Variants in RAMACL observed in about 807,000 individuals in gnomAD.
The protein encoded by RAMACL is RNA guanine-7 methyltransferase activating subunit like.
In RAMACL, 9 loss-of-function variants were observed where a neutral mutation model predicts 13.4. That is an observed-to-expected ratio of 0.67 (90% CI 0.41 to 1.17). The LOEUF (loss-of-function observed/expected upper bound fraction) is 1.17, where lower values mean the gene tolerates loss of function less well. Ranked by LOEUF, RAMACL falls within the 50% of genes most tolerant of loss-of-function variation. The probability of loss-of-function intolerance (pLI) is 0.01; values close to 1 mark genes in which losing one functional copy is unlikely to be tolerated. For missense variants in RAMACL, 124 were observed against 141.6 expected (o/e 0.88, Z 0.63); for synonymous variants, 39 against 49.3 (o/e 0.79, Z 0.88).
At chr6:166,586,216 C>T in exon 1 of RAMACL, 1 of 1,590,412 alleles carries the variant, frequency 6.3e-7, no homozygotes, top group Non-Finnish European at 8.5e-7. Flanking sequence ...TAGTTGTTAC[C>T]CCAGGATCGT....
rs557027258 is a variant in RAMACL, at chr6:166,586,190, T to C, written c.288A>G (p.Gln96=). 618 of 1,583,992 alleles carry C rather than the reference T, an allele frequency of 3.9e-4. 145 individuals carry two copies. The African/African-American group carries it at 0.011, about 27-fold the overall frequency. The change falls in exon 1 of 1, where the codon CAA becomes CAG. Residue 96 remains glutamine, a synonymous_variant. Coordinates refer to ENST00000444122, the Ensembl canonical transcript of RAMACL. ...CATATTGCTGGGGATAGTAAGGTTC[T>C]TGTCTGTGTTGCGGGTAGTTGTTAC...
At chr6:166,586,333 C>T in exon 1 of RAMACL, 2 of 1,599,458 alleles carry the variant, frequency 1.3e-6, no homozygotes, top group Non-Finnish European at 8.5e-7. Context: ...CTTTGGTTCC[C>T]ACCAGCTCTG....
exon 1 of RAMACL, chr6:166,586,501 G>A: frequency 6.3e-7 from 1 of 1,587,366 alleles, no homozygotes; most frequent in African/African-American, 1.7e-5. Context: ...AAGGTTTGAG[G>A]CAGCTGTATT....
exon 1 of RAMACL, chr6:166,586,157 A>G: frequency 6.4e-7 from 1 of 1,558,674 alleles, no homozygotes; most frequent in Non-Finnish European, 8.6e-7. Context: ...GGTTGTAACC[A>G]TAATGTCCAT....
downstream of RAMACL, among the ~76,000 whole-genome samples, chr6:166,585,484 G>T (rs144788829): frequency 1.3e-3 from 181 of 141,928 alleles, 8 homozygotes; most frequent in African/African-American, 4.4e-3. Context: ...TCTCAAACAT[G>T]ACATCAAACA....
chr6:166,585,290 G>T (rs1434839211), downstream of RAMACL, among the ~76,000 whole-genome samples: 1 of 152,160 alleles, frequency 6.6e-6, no homozygotes, highest in African/African-American at 2.4e-5. Flanking sequence ...AGCAACTTTA[G>T]CTTCTTCATT....
exon 1 of RAMACL, among the ~76,000 whole-genome samples, chr6:166,585,769 G>A (rs889081932): frequency 1.5e-5 from 1 of 68,468 alleles, no homozygotes; most frequent in Non-Finnish European, 2.4e-5. Context: ...TAAGCATATG[G>A]ATACTCTCTT....
downstream of RAMACL, among the ~76,000 whole-genome samples, chr6:166,583,349 C>T (rs1352458947): frequency 1.3e-5 from 2 of 152,192 alleles, no homozygotes; most frequent in Admixed American, 6.5e-5. Flanking sequence ...ACAGCACTGT[C>T]GCTGTGATCT....
exon 1 of RAMACL, chr6:166,586,262 C>A: frequency 5.0e-6 from 8 of 1,596,938 alleles, no homozygotes; most frequent in Non-Finnish European, 5.9e-6. Context: ...CACTTGGCCA[C>A]CCCCATCTGT....
chr6:166,585,347 T>A (rs1785135094), downstream of RAMACL, among the ~76,000 whole-genome samples: 1 of 152,238 alleles, frequency 6.6e-6, no homozygotes, highest in Non-Finnish European at 1.5e-5. Flanking sequence ...ATTGCTGACA[T>A]GTCTGTATTG....
Position 166,586,259 on chromosome 6 carries a change from C to T in RAMACL, c.219G>A (p.Trp73Ter). 6.9e-6 allele frequency: 11 copies of T among 1,596,512 alleles called. No homozygotes were observed. Among genetic ancestry groups the T allele is most frequent in the Non-Finnish European group, 7.6e-6 (9 of 1,179,760 alleles). The stretch of plus-strand genomic sequence containing the variant: ...ACTGATTGGATCGATTGTCACTTGG[C>T]CACCCCCATCTGTTGTCCCTGCCTC... Residue 73 changes from tryptophan to a stop codon, truncating the protein, a stop_gained, in exon 1 of 1, where the codon TGG (tryptophan) becomes TGA (stop). Transcript: ENST00000444122. LOFTEE classifies it high-confidence loss of function.
chr6:166,586,255 T>G, exon 1 of RAMACL: 1 of 1,596,482 alleles, frequency 6.3e-7, no homozygotes, highest in Non-Finnish European at 8.5e-7. Context: ...CGATTGTCAC[T>G]TGGCCACCCC....
At chr6:166,585,112 G>A (rs1313288103), downstream of RAMACL, among the ~76,000 whole-genome samples, 3 of 152,192 alleles carry the variant, frequency 2.0e-5, no homozygotes, top group Non-Finnish European at 4.4e-5. Context: ...CAGGAAGCTC[G>A]AGTTTCAAAA....
chr6:166,585,603 C>A (rs1307622437), downstream of RAMACL, among the ~76,000 whole-genome samples: 14 of 61,144 alleles, frequency 2.3e-4, no homozygotes, highest in Admixed American at 6.7e-4. Flanking sequence ...TAAGGAATCA[C>A]AAAGTACCAT....
exon 1 of RAMACL, chr6:166,586,031 CA>C (rs1785158565): frequency 3.2e-6 from 2 of 619,348 alleles, no homozygotes; most frequent in Admixed American, 4.4e-5. Flanking sequence ...TCTGTAAAAT[CA>C]GATGTAAAAC....
At chr6:166,586,235 C>T (rs1246368865) in exon 1 of RAMACL, 3 of 1,594,258 alleles carry the variant, frequency 1.9e-6, no homozygotes, top group East Asian at 4.5e-5. Flanking sequence ...GTCCATGCCA[C>T]TGATTGGATC....
chr6:166,586,458 G>A (rs1322815989), exon 1 of RAMACL: 12 of 1,598,660 alleles, frequency 7.5e-6, no homozygotes, highest in Admixed American at 3.3e-5. Flanking sequence ...ATTTGGAACA[G>A]CTTCGGCAGT....
chr6:166,583,127 C>T (rs1342178253), downstream of RAMACL, among the ~76,000 whole-genome samples: 3 of 152,150 alleles, frequency 2.0e-5, no homozygotes, highest in Admixed American at 2.0e-4. Flanking sequence ...AAGTTTTACT[C>T]GCATTCGCAT....
chr6:166,586,625 C>T lies in RAMACL; in HGVS notation c.-148G>A. The T allele has an allele frequency of 1.5e-6, 1 of 680,920 alleles. No homozygotes were observed. Among genetic ancestry groups the T allele is most frequent in the South Asian group, 1.9e-5 (1 of 52,814 alleles). 42.2% of individuals were successfully genotyped at this position (680,920 alleles called of 1,614,324 possible). ...GAGAGGTGGCCTCTGGTCCACTACA[C>T]CGTGGAACTCCAGACCACTCCAGTT... On this transcript the variant is annotated 5_prime_UTR_variant, in exon 1 of 1. The change creates a new upstream start codon in the 5' untranslated region. Coordinates refer to ENST00000444122, the Ensembl canonical transcript of RAMACL.
Sources: allele counts gnomAD v4.1 joint callset (sites outside exome capture counted in the v4.1 genomes callset), GRCh38; gene constraint gnomAD v4.1.1; transcripts MANE v1.5; gene names NCBI Gene and HGNC (gene_info 2026-07-23, HGNC 2026-07-21).